Variants in ANKDD1A observed in about 807,000 individuals in gnomAD.
ANKDD1A encodes the protein ankyrin repeat and death domain-containing protein 1A.
Under a neutral mutation model 63.5 loss-of-function variants are expected in ANKDD1A, and 59 were observed. The ratio of observed to expected loss-of-function variants is 0.93; its 90% confidence interval spans 0.75 to 1.15. The LOEUF (loss-of-function observed/expected upper bound fraction) is 1.15, where lower values mean the gene tolerates loss of function less well. ANKDD1A is among the 50% of genes most tolerant of loss of function. ANKDD1A has a pLI of 0.00. For missense variants in ANKDD1A, 632 were observed against 656.4 expected (o/e 0.96, Z 0.41); for synonymous variants, 266 against 263.9 (o/e 1.01, Z -0.08).
intron 2 of ANKDD1A, among the ~76,000 whole-genome samples, chr15:64,916,527 A>G (rs1180600944): frequency 1.3e-5 from 2 of 152,088 alleles, no homozygotes; most frequent in East Asian, 3.9e-4. Flanking sequence ...GGGTCTTGCT[A>G]TGTTGCCCAG....
At position 64,952,527 on chromosome 15, in the gene ANKDD1A, CG is replaced by C. The variant is rs1462168508; in HGVS notation, c.1483+2556del. 3.2e-3 allele frequency among the ~76,000 whole-genome samples: 459 copies of C among 145,218 alleles called. 2 individuals carry two copies. The highest frequency in any genetic ancestry group is 0.01 in the African/African-American group (402 of 39,560). On this transcript the variant is annotated intron_variant, in intron 14 of 14. Transcript: ENST00000319580. ...CCTTCTTCTTACTTTCTTCTTCCTT[CG>C]TCTTCTTCTCCTTCTCCTCCTCCTT...
At chr15:64,953,819 TA>T (rs1595860615) in intron 14 of ANKDD1A, among the ~76,000 whole-genome samples, 6 of 83,574 alleles carry the variant, frequency 7.2e-5, no homozygotes, top group South Asian at 7.5e-4. Flanking sequence ...TCTTCTTCCT[TA>T]TTCTTTTCTT....
rs2085397085 is a variant in ANKDD1A, at chr15:64,954,750, C to CT, written c.1484-2350dup. Among the ~76,000 whole-genome samples, 6 of 97,100 alleles carry CT rather than the reference C, an allele frequency of 6.2e-5. No individual in the cohort carries two copies. In the East Asian group the frequency reaches 1.6e-3, roughly 26 times the overall value. 63.7% of individuals were successfully genotyped at this position (97,100 alleles called of 152,430 possible). A position where few individuals can be genotyped will look rare whatever the true frequency, so the allele number is the denominator to read the frequency against. ...CTCCTTCTTCTTCCTTCTCCTTCTT[C>CT]TTTCTTTTTGTTCTTCTTTCTTCTT... On this transcript the variant is annotated intron_variant, in intron 14 of 14. Coordinates refer to ENST00000319580, the MANE Select transcript of ANKDD1A (RefSeq NM_182703.6).
At chr15:64,950,110 T>G in intron 14 of ANKDD1A, 138 bp downstream of exon 14, 1 of 1,471,438 alleles carries the variant, frequency 6.8e-7, no homozygotes. Flanking sequence ...CCCCTAGCCC[T>G]GCCCTCTTTT....
intron 14 of ANKDD1A, among the ~76,000 whole-genome samples, chr15:64,952,655 C>CTCCTCCTCCTTT (rs2085316196): frequency 1.6e-5 from 2 of 126,994 alleles, no homozygotes; most frequent in Non-Finnish European, 3.3e-5. Context: ...CCTTCTCCTT[C>CTCCTCCTCCTTT]TTCTTCCCCT....
At chr15:64,912,182 C>T (rs1301839437) in intron 1 of ANKDD1A, among the ~76,000 whole-genome samples, 4 of 152,092 alleles carry the variant, frequency 2.6e-5, no homozygotes, top group African/African-American at 9.7e-5. Flanking sequence ...GCCAGGTGAG[C>T]GGGGAGCAGC....
rs780408018 is a variant in ANKDD1A, at chr15:64,926,955, G to A, written c.526G>A (p.Asp176Asn). 17 of 1,614,188 alleles carry A rather than the reference G, an allele frequency of 1.1e-5. No individual in the cohort carries two copies. Among genetic ancestry groups the A allele is most frequent in the Non-Finnish European group, 1.4e-5 (17 of 1,180,046 alleles). ...TGAGCACGGGCAGCTGGATGCTCTG[G>A]ACTTCCTCGTGGGCTCTGGCTGTGA... ...AAEHGQLDALDFLVGSGCDHN... is the reference protein window; with the variant it reads ...AAEHGQLDALNFLVGSGCDHN... The change falls in exon 6 of 15, where the codon GAC becomes AAC. Residue 176 changes from aspartate (D) to asparagine (N), a missense_variant. Transcript: ENST00000319580.
At chr15:64,953,682 C>CT (rs2085355608) in intron 14 of ANKDD1A, among the ~76,000 whole-genome samples, 1 of 123,422 alleles carries the variant, frequency 8.1e-6, no homozygotes, top group African/African-American at 3.0e-5. Context: ...TTCTTTTCTT[C>CT]TCCTTCTCCC....
intron 4 of ANKDD1A, among the ~76,000 whole-genome samples, chr15:64,925,154 G>T (rs892588784): frequency 6.6e-6 from 1 of 150,524 alleles, no homozygotes; most frequent in African/African-American, 2.5e-5. Flanking sequence ...CTTGAACCCA[G>T]GAGGTGGAAG....
intron 9 of ANKDD1A, among the ~76,000 whole-genome samples, chr15:64,940,433 T>TAG (rs1310584123): frequency 0.35 from 25,630 of 73,218 alleles, 2,461 homozygotes; most frequent in Non-Finnish European, 0.41. Flanking sequence ...GATAGATAGA[T>TAG]ATATAGATAT....
intron 14 of ANKDD1A, among the ~76,000 whole-genome samples, chr15:64,952,903 C>A (rs1469283461): frequency 1.3e-5 from 1 of 78,058 alleles, no homozygotes; most frequent in Non-Finnish European, 2.9e-5. Flanking sequence ...CTTCTCCTTC[C>A]TTCTCTTCTT....
intron 9 of ANKDD1A, among the ~76,000 whole-genome samples, chr15:64,935,598 C>A (rs986635274): frequency 5.3e-5 from 8 of 151,966 alleles, no homozygotes; most frequent in African/African-American, 1.9e-4. Flanking sequence ...TGGCATGAAC[C>A]CGGGAGGCAG....
intron 5 of ANKDD1A, among the ~76,000 whole-genome samples, 159 bp from the exon 6 acceptor site, chr15:64,926,742 C>T (rs767918713): frequency 1.3e-5 from 2 of 152,082 alleles, no homozygotes; most frequent in Non-Finnish European, 2.9e-5. Flanking sequence ...TCTGGGCTTT[C>T]CAGGCAGGGT....
chr15:64,951,875 T>C (rs1363708640), intron 14 of ANKDD1A, among the ~76,000 whole-genome samples: 2 of 126,542 alleles, frequency 1.6e-5, no homozygotes, highest in African/African-American at 5.3e-5. Flanking sequence ...TCTTTTTCTT[T>C]CTTCTTTCCT....
rs1339096224 is a variant in ANKDD1A at position 64,951,596 on chromosome 15, TTC to T, written c.1483+1626_1483+1627del. Among the ~76,000 whole-genome samples, 4 of 139,524 alleles carry T rather than the reference TTC, an allele frequency of 2.9e-5. No individual in the cohort carries two copies. In the East Asian group the frequency reaches 6.3e-4, roughly 22 times the overall value. The allele number at this position is 139,524 out of a possible 152,430, so 91.5% of individuals were successfully genotyped here. On this transcript the variant is annotated intron_variant, in intron 14 of 14. Transcript: ENST00000319580. ...TTCTTCTTCTTCTTCCTTTTCTTTCTTCTTTCTTCTTGTTCCTTATTCTTCTT... is the reference window on the plus strand; with the variant it reads ...TTCTTCTTCTTCTTCCTTTTCTTTCTTTTCTTCTTGTTCCTTATTCTTCTT...
intron 6 of ANKDD1A, 114 bp downstream of exon 6, chr15:64,927,113 G>A: frequency 9.5e-7 from 1 of 1,054,714 alleles, no homozygotes; most frequent in Non-Finnish European, 1.4e-6. Context: ...GGAGGCCCGT[G>A]TGGCCCAAAG....
intron 9 of ANKDD1A, among the ~76,000 whole-genome samples, chr15:64,941,977 CG>C (rs1434173294): frequency 6.6e-6 from 1 of 152,146 alleles, no homozygotes; most frequent in African/African-American, 2.4e-5. Flanking sequence ...AATAAGTCAT[CG>C]TTCCTATTAG....
In ANKDD1A at chr15:64,942,506, T is replaced by G. The variant is rs955383594; in HGVS notation, c.907T>G (p.Phe303Val). Residue 303 changes from phenylalanine to valine, a missense_variant, in exon 10 of 15, where the codon TTC becomes GTC. Coordinates refer to ENST00000319580, the MANE Select transcript of ANKDD1A (RefSeq NM_182703.6). The stretch of plus-strand genomic sequence containing the variant: ...TCTGCACCTCGCTGTGAGGCACAAC[T>G]TCCCTGCCTTGGTCCGGCTCCTCAT... ...SPLHLAVRHN[F>V]PALVRLLINS... The G allele has an allele frequency of 1.9e-6, 3 of 1,613,656 alleles. No homozygotes were observed. In the African/African-American group the frequency reaches 4.0e-5, roughly 22 times the overall value.
chr15:64,953,863 CTCTTTCTTCTTCAT>C (rs1477434425), intron 14 of ANKDD1A, among the ~76,000 whole-genome samples: 6 of 31,830 alleles, frequency 1.9e-4, no homozygotes, highest in African/African-American at 4.5e-4. Context: ...CCTCTTCTTC[CTCTTTCTTCTTCAT>C]TCTTTCTTCT....
Sources: allele counts gnomAD v4.1 joint callset (sites outside exome capture counted in the v4.1 genomes callset), GRCh38; gene constraint gnomAD v4.1.1; transcripts MANE v1.5; gene names NCBI Gene and HGNC (gene_info 2026-07-23, HGNC 2026-07-21).